The following ICA1L variants were observed in gnomAD, a reference collection of about 807,000 sequenced individuals.
The protein encoded by ICA1L is islet cell autoantigen 1 like, also known as islet cell autoantigen 1-like protein.
In ICA1L, 50 loss-of-function variants were observed where a neutral mutation model predicts 61.3. That is an observed-to-expected ratio of 0.82 (90% CI 0.65 to 1.03). The LOEUF is 1.03. Among genes scored for constraint, ICA1L ranks in the 50% least tolerant of loss-of-function variants. The pLI is 0.00. For synonymous variants in ICA1L, 161 were observed against 191.3 expected, an observed-to-expected ratio of 0.84 and a Z score of 1.31; for missense variants, 508 against 556.7, an observed-to-expected ratio of 0.91 and a Z score of 0.88.
chr2:202,862,230 G>GT (rs1694938540), intron 1 of ICA1L, among the ~76,000 whole-genome samples: 1 of 122,048 alleles, frequency 8.2e-6, no homozygotes, highest in Non-Finnish European at 1.6e-5. Flanking sequence ...GAGGCCAGGA[G>GT]TTTGAGACCT....
intron 1 of ICA1L, among the ~76,000 whole-genome samples, chr2:202,855,661 A>T (rs1046425505): frequency 9.2e-5 from 14 of 152,122 alleles, no homozygotes; most frequent in African/African-American, 3.1e-4. Flanking sequence ...TCTGAAATTG[A>T]GGCAGTAATT....
intron 1 of ICA1L, among the ~76,000 whole-genome samples, chr2:202,850,521 G>GCGGAAGAAAGGATATCAGAAA (rs1438764550): frequency 6.6e-6 from 1 of 152,118 alleles, no homozygotes; most frequent in Non-Finnish European, 1.5e-5. Context: ...AATCAATCAA[G>GCGGAAGAAAGGATATCAGAAA]CGGAAGAAAG....
At chr2:202,862,793 T>G (rs1694957480) in intron 1 of ICA1L, among the ~76,000 whole-genome samples, 2 of 151,318 alleles carry the variant, frequency 1.3e-5, no homozygotes, top group Admixed American at 1.3e-4. Context: ...GTTGAGATTG[T>G]GCCATTGCAC....
At chr2:202,810,174 A>G (rs1346972558) in intron 9 of ICA1L, among the ~76,000 whole-genome samples, 1 of 152,244 alleles carries the variant, frequency 6.6e-6, no homozygotes, top group East Asian at 1.9e-4. Flanking sequence ...CTTATAGGCC[A>G]GGAGAAAGTG....
chr2:202,777,388 A>G lies in ICA1L; in HGVS notation c.*2145T>C, dbSNP rs1692257120. The G allele has an allele frequency of 6.6e-6, 1 of 152,152 alleles. No homozygotes were observed. The highest frequency in any genetic ancestry group is 2.1e-4 in the South Asian group (1 of 4,830). The allele number at this position is 152,152 out of a possible 1,614,324, so 9.4% of individuals were successfully genotyped here. ...CATTTTTTGAGGCACTCAAAAGTTG[A>G]GAGCATCAGAGTCACCATGGGTATA... On this transcript the variant is annotated 3_prime_UTR_variant, in exon 13 of 13. Transcript: ENST00000358299.
chr2:202,784,463 T>C (rs542415022), intron 12 of ICA1L, among the ~76,000 whole-genome samples: 61 of 152,194 alleles, frequency 4.0e-4, no homozygotes, highest in Middle Eastern at 3.4e-3. Context: ...AGAAAACATA[T>C]GAATCTATAT....
chr2:202,807,331 G>C (rs139561016), intron 9 of ICA1L, among the ~76,000 whole-genome samples: 21 of 152,268 alleles, frequency 1.4e-4, no homozygotes, highest in African/African-American at 4.8e-4. Context: ...AGTGATTGTG[G>C]GACTTTGCAT....
chr2:202,846,233 C>T (rs1398640727), intron 1 of ICA1L, among the ~76,000 whole-genome samples: 1 of 151,362 alleles, frequency 6.6e-6, no homozygotes, highest in Admixed American at 6.6e-5. Context: ...TATACTTTTA[C>T]CCTTTTTGGT....
intron 1 of ICA1L, chr2:202,840,771 C>T: frequency 3.4e-6 from 2 of 595,280 alleles, no homozygotes; most frequent in South Asian, 1.5e-5. Context: ...CACTGCTAGG[C>T]ATCTGCGATG....
chr2:202,866,124 T>G (rs527444627), intron 1 of ICA1L, among the ~76,000 whole-genome samples: 1 of 152,224 alleles, frequency 6.6e-6, no homozygotes, highest in African/African-American at 2.4e-5. Context: ...ACTGACATAG[T>G]TTGGATGTTT....
rs866492328 is a variant in ICA1L at position 202,779,565 on chromosome 2, C to T, written c.1417G>A (p.Gly473Arg). Residue 473 changes from glycine (G) to arginine (R), a missense_variant, in exon 13 of 13, where the codon GGA becomes AGA. Transcript: ENST00000358299. ...LDPLSNPDAI[G>R]HSDDELLNA ...TTAAGAAGTTCATCATCTGAGTGTC[C>T]AATAGCATCTGGGTTTGAAAGTGGA... The T allele has an allele frequency of 6.2e-7, 1 of 1,611,338 alleles. No individual in the cohort carries two copies. Among genetic ancestry groups the T allele is most frequent in the Non-Finnish European group, 8.5e-7 (1 of 1,178,116 alleles).
intron 1 of ICA1L, among the ~76,000 whole-genome samples, chr2:202,857,280 A>G (rs1304960000): frequency 6.6e-6 from 1 of 152,186 alleles, no homozygotes; most frequent in Non-Finnish European, 1.5e-5. Flanking sequence ...GAAAAGATAC[A>G]TAGATCAATG....
Position 202,774,096 on chromosome 2 carries a change from C to A in ICA1L, c.*5437G>T. The A allele has an allele frequency of 9.0e-7, 1 of 1,112,144 alleles. No homozygotes were observed. Among genetic ancestry groups the A allele is most frequent in the Non-Finnish European group, 1.3e-6 (1 of 752,248 alleles). 68.9% of individuals were successfully genotyped at this position (1,112,144 alleles called of 1,614,324 possible). On this transcript the variant is annotated 3_prime_UTR_variant, in exon 13 of 13. Coordinates refer to ENST00000358299, the MANE Select transcript of ICA1L (RefSeq NM_001288622.3). ...CCTAATATGATAATATTAGGAATCC[C>A]ATCAATGATTGGATAAGCTATTCTC...
chr2:202,779,768 A>T, intron 12 of ICA1L, 120 bp from the exon 13 acceptor site: 1 of 609,616 alleles, frequency 1.6e-6, no homozygotes, highest in Non-Finnish European at 2.8e-6. Flanking sequence ...AAGATAACTG[A>T]CAATAATCTA....
At chr2:202,822,962 T>C (rs1559138820) in intron 3 of ICA1L, among the ~76,000 whole-genome samples, 1 of 152,216 alleles carries the variant, frequency 6.6e-6, no homozygotes, top group East Asian at 1.9e-4. Context: ...TGCTGATTAC[T>C]TGAGAGATGT....
chr2:202,861,656 G>A (rs1694917720), intron 1 of ICA1L, among the ~76,000 whole-genome samples: 1 of 151,462 alleles, frequency 6.6e-6, no homozygotes, highest in African/African-American at 2.4e-5. Context: ...GGAGGCTGAG[G>A]CGGGCGGATC....
Position 202,851,069 on chromosome 2 carries a change from G to A in ICA1L, c.-8+20550C>T, listed in dbSNP as rs186467859. On this transcript the variant is annotated intron_variant, in intron 1 of 12. Transcript: ENST00000358299. ...GTACATGTGCACAACGTGCAGGTTTGTTACATATGTATACATGTGCCATGT... is the reference window on the plus strand; with the variant it reads ...GTACATGTGCACAACGTGCAGGTTTATTACATATGTATACATGTGCCATGT... 4.0e-5 allele frequency among the ~76,000 whole-genome samples: 6 copies of A among 150,898 alleles called. No homozygotes were observed. In the East Asian group the frequency reaches 1.2e-3, roughly 30 times the overall value.
rs752049107 is a variant in ICA1L at position 202,786,741 on chromosome 2, G to A, written c.1244-734C>T. On this transcript the variant is annotated intron_variant, in intron 11 of 12. Transcript: ENST00000358299. ...GGAAATAATTTAGCTGAAGGAAGAA[G>A]TACATGCATGATTTTTTTTTTTTTG... 6 of 431,502 alleles carry A rather than the reference G, an allele frequency of 1.4e-5. No homozygotes were observed. In the Admixed American group the frequency reaches 1.5e-4, roughly 11 times the overall value. 26.7% of individuals were successfully genotyped at this position (431,502 alleles called of 1,614,324 possible).
chr2:202,798,633 G>A (rs1693004754), intron 9 of ICA1L, among the ~76,000 whole-genome samples: 3 of 152,028 alleles, frequency 2.0e-5, no homozygotes, highest in African/African-American at 7.2e-5. Context: ...GTCAAGTCAG[G>A]GTATTTAGTG....
Sources: allele counts gnomAD v4.1 joint callset (sites outside exome capture counted in the v4.1 genomes callset), GRCh38; gene constraint gnomAD v4.1.1; transcripts MANE v1.5; gene names NCBI Gene and HGNC (gene_info 2026-07-23, HGNC 2026-07-21).